SORCS1: variants seen among roughly 807,000 people sequenced by gnomAD.
SORCS1 encodes VPS10 domain-containing receptor SorCS1.
Under a neutral mutation model 146.1 loss-of-function variants are expected in SORCS1, and 60 were observed. The ratio of observed to expected loss-of-function variants is 0.41; its 90% CI spans 0.33 to 0.51. The LOEUF (loss-of-function observed/expected upper bound fraction) is 0.51. Among genes scored for constraint, SORCS1 ranks in the 20% least tolerant of loss-of-function variants. The pLI is 0.21. For synonymous variants in SORCS1, 637 were observed against 584.0 expected, an observed-to-expected ratio of 1.09 and a Z score of -1.31; for missense variants, 1,352 against 1,487.6, an observed-to-expected ratio of 0.91 and a Z score of 1.50.
At chr10:106,940,992 G>C (rs972945299) in intron 2 of SORCS1, among the ~76,000 whole-genome samples, 3 of 152,282 alleles carry the variant, frequency 2.0e-5, no homozygotes, top group Middle Eastern at 3.4e-3. Flanking sequence ...TCTGGAGCTC[G>C]ACTGGTTCAG....
rs1204071718 is a variant in SORCS1 at position 106,675,142 on chromosome 10, T to C, written c.1847A>G (p.Glu616Gly). 3.1e-6 allele frequency: 5 copies of C among 1,612,574 alleles called. No individual in the cohort carries two copies. Among genetic ancestry groups the C allele is most frequent in the Non-Finnish European group, 3.4e-6 (4 of 1,178,968 alleles). The change falls in exon 14 of 26, where the codon GAA becomes GGA. Residue 616 changes from glutamate to glycine, a missense_variant. Coordinates refer to ENST00000263054, the MANE Select transcript of SORCS1 (RefSeq NM_052918.5). ...ACTGTATTTGCTCCAAGATCTCCCT[T>C]CATCAAAACTCAACCTAATGATATA... ...PIRHLWLSFD[E>G]GRSWSKYSFT...
chr10:106,896,428 C>CAAAAA (rs781084783), intron 2 of SORCS1, among the ~76,000 whole-genome samples: 5 of 56,858 alleles, frequency 8.8e-5, no homozygotes, highest in Admixed American at 1.9e-4. Context: ...GACTTTGTCT[C>CAAAAA]AAAAAAAAAA....
At chr10:106,736,102 T>G (rs550364805) in intron 5 of SORCS1, among the ~76,000 whole-genome samples, 1 of 152,290 alleles carries the variant, frequency 6.6e-6, no homozygotes, top group South Asian at 2.1e-4. Context: ...ACATCAGCCT[T>G]CTGAAATACA....
chr10:106,929,609 T>C (rs993706099), intron 2 of SORCS1, among the ~76,000 whole-genome samples: 1 of 152,194 alleles, frequency 6.6e-6, no homozygotes, highest in African/African-American at 2.4e-5. Flanking sequence ...ATTGCAGGCT[T>C]TCTGGTTCAT....
rs552336513 is a variant in SORCS1 at position 106,875,189 on chromosome 10, C to T, written c.627-45516G>A. On this transcript the variant is annotated intron_variant, in intron 2 of 25. Transcript: ENST00000263054. ...CTTTGCTTACTCATAGCTCAGCTCCCACTTCTAAGTGAGAACAAACGGTAT... is the reference window on the plus strand; with the variant it reads ...CTTTGCTTACTCATAGCTCAGCTCCTACTTCTAAGTGAGAACAAACGGTAT... Among the ~76,000 whole-genome samples the T allele has an allele frequency of 1.2e-4, 19 of 152,286 alleles. No individual in the cohort carries two copies. The South Asian group carries it at 3.5e-3, about 28-fold the overall frequency.
At chr10:107,058,425 A>G (rs1324952468) in intron 1 of SORCS1, among the ~76,000 whole-genome samples, 1 of 152,240 alleles carries the variant, frequency 6.6e-6, no homozygotes, top group Non-Finnish European at 1.5e-5. Context: ...TTTTATTTAA[A>G]TAGCCAACAT....
At chr10:106,909,701 T>G (rs910231531) in intron 2 of SORCS1, among the ~76,000 whole-genome samples, 11 of 152,240 alleles carry the variant, frequency 7.2e-5, no homozygotes, top group African/African-American at 1.9e-4. Context: ...ATTAATTTTT[T>G]AAATTATTTT....
In SORCS1 at chr10:107,057,018, C is replaced by T. The variant is rs75950710; in HGVS notation, c.559-100438G>A. ...CTGATTGGCTTTAACATCCAGTTCC[C>T]GCTTTCTAAATCCTCAATTGCTTGA... On this transcript the variant is annotated intron_variant, in intron 1 of 25. Transcript: ENST00000263054. 8.8e-3 allele frequency among the ~76,000 whole-genome samples: 1,347 copies of T among 152,282 alleles called. 25 individuals carry two copies. The highest frequency in any genetic ancestry group is 0.031 in the African/African-American group (1,287 of 41,546).
At chr10:106,857,593 A>C (rs927746495) in intron 2 of SORCS1, among the ~76,000 whole-genome samples, 1 of 152,216 alleles carries the variant, frequency 6.6e-6, no homozygotes, top group African/African-American at 2.4e-5. Context: ...TGGGTGCATC[A>C]CAGACTCTGC....
intron 23 of SORCS1, among the ~76,000 whole-genome samples, chr10:106,606,789 G>A (rs1037589563): frequency 1.3e-5 from 2 of 152,124 alleles, no homozygotes; most frequent in African/African-American, 2.4e-5. Context: ...TTGTTCCCAC[G>A]ATAGTGAGTT....
At chr10:107,168,341 T>C (rs1303010508), upstream of SORCS1, among the ~76,000 whole-genome samples, 1 of 152,226 alleles carries the variant, frequency 6.6e-6, no homozygotes, top group Non-Finnish European at 1.5e-5. Context: ...TCTGTATCAA[T>C]CTCTTGCCAG....
chr10:107,025,450 G>T (rs1564940574), intron 1 of SORCS1, among the ~76,000 whole-genome samples: 1 of 152,160 alleles, frequency 6.6e-6, no homozygotes. Context: ...TACAATGGAA[G>T]CCTGGACATG....
intron 1 of SORCS1, among the ~76,000 whole-genome samples, chr10:106,971,954 G>A: frequency 6.6e-6 from 1 of 152,134 alleles, no homozygotes; most frequent in East Asian, 1.9e-4. Flanking sequence ...GGCAGGGTGA[G>A]GGCTAATGCA....
chr10:106,626,537 T>C (rs887394369), intron 19 of SORCS1, among the ~76,000 whole-genome samples: 2 of 152,196 alleles, frequency 1.3e-5, no homozygotes, highest in Non-Finnish European at 2.9e-5. Context: ...CCCTCCATCT[T>C]TAAGATGCCT....
chr10:107,011,474 CTG>C lies in SORCS1; in HGVS notation c.559-54896_559-54895del, dbSNP rs1957693785. On this transcript the variant is annotated intron_variant, in intron 1 of 25. Transcript: ENST00000263054. Reference sequence around the variant, plus strand: ...AATTGCTCTCCTTCTCTTGTAAATGCTGTGTCTTTGCTTCTGCCCTGCAAGCT... The same window carrying C: ...AATTGCTCTCCTTCTCTTGTAAATGCTGTCTTTGCTTCTGCCCTGCAAGCT... Among the ~76,000 whole-genome samples, 4 of 152,316 alleles carry C rather than the reference CTG, an allele frequency of 2.6e-5. No individual in the cohort carries two copies. In the South Asian group the frequency reaches 8.3e-4, roughly 32 times the overall value.
At chr10:106,966,175 T>C (rs1955486745) in intron 1 of SORCS1, among the ~76,000 whole-genome samples, 1 of 152,170 alleles carries the variant, frequency 6.6e-6, no homozygotes, top group East Asian at 1.9e-4. Context: ...TACACTCTTT[T>C]TGAGTTATCA....
At chr10:106,587,588 A>T (rs1845316704) in intron 24 of SORCS1, among the ~76,000 whole-genome samples, 1 of 152,258 alleles carries the variant, frequency 6.6e-6, no homozygotes, top group Non-Finnish European at 1.5e-5. Context: ...CTCATAACAC[A>T]TCCAGTGGTA....
chr10:106,947,550 ACTGGAG>A, intron 2 of SORCS1, among the ~76,000 whole-genome samples: 1 of 152,194 alleles, frequency 6.6e-6, no homozygotes, highest in Non-Finnish European at 1.5e-5. Flanking sequence ...TCATCTAGAA[ACTGGAG>A]CTACAGGCTG....
intron 18 of SORCS1, among the ~76,000 whole-genome samples, chr10:106,644,790 C>A (rs1849302105): frequency 6.6e-6 from 1 of 152,168 alleles, no homozygotes; most frequent in South Asian, 2.1e-4. Flanking sequence ...AAGTTTTTTG[C>A]ATATAGCTTT....
Sources: gnomAD v4.1 joint callset for allele counts (sites outside exome capture counted in the v4.1 genomes callset) on GRCh38, gnomAD v4.1.1 for gene constraint, MANE v1.5 for transcripts, NCBI Gene and HGNC (gene_info 2026-07-23, HGNC 2026-07-21) for gene names.